Variants in ARHGAP39 observed in about 807,000 individuals in gnomAD.
ARHGAP39 encodes the protein rho GTPase-activating protein 39.
In ARHGAP39, 44 loss-of-function variants were observed where a neutral mutation model predicts 106.9. The ratio of observed to expected loss-of-function variants is 0.41; its 90% confidence interval spans 0.32 to 0.53. The LOEUF is 0.53. Among genes scored for constraint, ARHGAP39 ranks in the 20% least tolerant of loss-of-function variants. ARHGAP39 has a pLI of 0.21. For missense variants in ARHGAP39, 1,496 were observed against 1,577.3 expected, an observed-to-expected ratio of 0.95 and a Z score of 0.87; for synonymous variants, 768 against 693.2, an observed-to-expected ratio of 1.11 and a Z score of -1.69.
intron 2 of ARHGAP39, among the ~76,000 whole-genome samples, chr8:144,602,183 G>T (rs865926678): frequency 1.5e-5 from 2 of 133,060 alleles, no homozygotes; most frequent in Non-Finnish European, 3.1e-5. Context: ...GTGTGCTCGT[G>T]TACCTGTGTG....
At position 144,586,785 on chromosome 8, in the gene ARHGAP39, C is replaced by T. The variant is rs2130908615; in HGVS notation, c.81-5508G>A. Among the ~76,000 whole-genome samples the T allele has an allele frequency of 6.6e-6, 1 of 152,354 alleles. No homozygotes were observed. Among genetic ancestry groups the T allele is most frequent in the East Asian group, 1.9e-4 (1 of 5,190 alleles). ...ATGGTTCCCACTGGCACTGGCTGGC[C>T]TGGGCTGCTGTCGGTCTGCTCTGCA... is the stretch of plus-strand genomic sequence containing the variant. On this transcript the variant is annotated intron_variant, in intron 2 of 11. Coordinates refer to ENST00000377307, the MANE Select transcript of ARHGAP39 (RefSeq NM_025251.3). This position sits in a 1 kb window ranked among gnomAD's most constrained non-coding sequence, Gnocchi z 4.2.
intron 2 of ARHGAP39, among the ~76,000 whole-genome samples, chr8:144,589,733 A>G (rs1457599391): frequency 6.6e-6 from 1 of 152,228 alleles, no homozygotes; most frequent in African/African-American, 2.4e-5. Context: ...CCTGTGGCAG[A>G]GACACCCAAG....
intron 2 of ARHGAP39, among the ~76,000 whole-genome samples, chr8:144,588,911 G>A (rs1819284797): frequency 6.6e-6 from 1 of 152,264 alleles, no homozygotes. Flanking sequence ...GCAACGCCGG[G>A]CCCGCCCTCC....
intron 1 of ARHGAP39, among the ~76,000 whole-genome samples, chr8:144,672,973 T>C (rs551581899): frequency 6.6e-6 from 1 of 152,136 alleles, no homozygotes; most frequent in East Asian, 1.9e-4. Context: ...TCCCAGCACT[T>C]TGGGAGGCAG....
At chr8:144,577,947 A>T (rs1818835268) in intron 3 of ARHGAP39, among the ~76,000 whole-genome samples, 1 of 152,220 alleles carries the variant, frequency 6.6e-6, no homozygotes, top group Admixed American at 6.5e-5. Flanking sequence ...CAGCTTACAG[A>T]TCCAACACAA....
intron 1 of ARHGAP39, among the ~76,000 whole-genome samples, chr8:144,672,027 G>A (rs1242700601): frequency 2.0e-5 from 3 of 152,244 alleles, no homozygotes; most frequent in Non-Finnish European, 2.9e-5. Flanking sequence ...CCTGGACGCC[G>A]TCTGTGATTC....
intron 3 of ARHGAP39, among the ~76,000 whole-genome samples, chr8:144,579,768 G>A (rs1041485279): frequency 1.3e-5 from 2 of 152,098 alleles, no homozygotes; most frequent in Non-Finnish European, 2.9e-5. Flanking sequence ...TCCCACCTCT[G>A]CAGAAAGCCC....
At chr8:144,538,982 C>A (rs990672598) in intron 6 of ARHGAP39, among the ~76,000 whole-genome samples, 1 of 151,818 alleles carries the variant, frequency 6.6e-6, no homozygotes, top group Admixed American at 6.6e-5. Flanking sequence ...CCCCTGTGTC[C>A]CTGTGACAGG....
At chr8:144,606,086 C>T (rs1048459325) in intron 1 of ARHGAP39, among the ~76,000 whole-genome samples, 1 of 152,224 alleles carries the variant, frequency 6.6e-6, no homozygotes, top group African/African-American at 2.4e-5. Context: ...CACTCTCAGC[C>T]CCACATCTGA....
In ARHGAP39 at chr8:144,602,668, G is replaced by A. The variant is rs530975723; in HGVS notation, c.80+2867C>T. 4.2e-5 allele frequency among the ~76,000 whole-genome samples: 6 copies of A among 143,182 alleles called. 1 individual carries two copies. The East Asian group carries it at 6.8e-4, about 16-fold the overall frequency. The allele number at this position is 143,182 out of a possible 152,430, so 93.9% of individuals were successfully genotyped here. ...CTCGTGTACCTGTGTGCATGGAGGC[G>A]TGCGTGCGAGCTCGTGTACCTGTGT... On this transcript the variant is annotated intron_variant, in intron 2 of 11. Coordinates refer to ENST00000377307, the MANE Select transcript of ARHGAP39 (RefSeq NM_025251.3).
chr8:144,600,100 C>G (rs1819791415), intron 2 of ARHGAP39, among the ~76,000 whole-genome samples: 1 of 152,018 alleles, frequency 6.6e-6, no homozygotes, highest in Admixed American at 6.6e-5. Flanking sequence ...TGTGTGCGCA[C>G]TTGTGTACCT....
At chr8:144,616,882 A>G (rs944942542) in intron 1 of ARHGAP39, among the ~76,000 whole-genome samples, 1 of 152,248 alleles carries the variant, frequency 6.6e-6, no homozygotes, top group African/African-American at 2.4e-5. Flanking sequence ...TGCCCAGTGA[A>G]TCAATGTTGC....
intron 3 of ARHGAP39, among the ~76,000 whole-genome samples, chr8:144,576,088 T>C: frequency 6.6e-6 from 1 of 151,830 alleles, no homozygotes; most frequent in African/African-American, 2.4e-5. Flanking sequence ...ATCCAGCACT[T>C]TGGGAGGGTG....
chr8:144,650,830 T>C (rs1272082765), intron 1 of ARHGAP39, among the ~76,000 whole-genome samples: 2 of 152,174 alleles, frequency 1.3e-5, no homozygotes, highest in Non-Finnish European at 2.9e-5. Context: ...GCATTCCCCT[T>C]GAAAACCAGC....
At chr8:144,652,738 C>T (rs990512311) in intron 1 of ARHGAP39, among the ~76,000 whole-genome samples, 48 of 151,374 alleles carry the variant, frequency 3.2e-4, no homozygotes, top group Admixed American at 2.4e-3. Flanking sequence ...AGGAAACCAG[C>T]GGACACTAGG....
intron 6 of ARHGAP39, chr8:144,544,027 T>G (rs531823133): frequency 6.6e-6 from 1 of 152,276 alleles, no homozygotes; most frequent in East Asian, 1.9e-4. Context: ...CCCCTAGAAT[T>G]CCACCTGCTT....
the ARHGAP39 span, among the ~76,000 whole-genome samples, chr8:144,694,846 C>T: frequency 6.6e-6 from 1 of 152,088 alleles, no homozygotes; most frequent in Non-Finnish European, 1.5e-5. Context: ...AGGGACACTG[C>T]AAGTCTCATG....
chr8:144,607,781 G>A (rs1056717631), intron 1 of ARHGAP39, among the ~76,000 whole-genome samples: 11 of 152,158 alleles, frequency 7.2e-5, no homozygotes, highest in African/African-American at 2.7e-4. Context: ...CACCTCCTTA[G>A]AGGAAACGCG....
intron 7 of ARHGAP39, 40 bp from the exon 8 acceptor site, chr8:144,534,242 G>A (rs781134049): frequency 5.0e-6 from 8 of 1,609,468 alleles, no homozygotes; most frequent in Non-Finnish European, 6.0e-6. Context: ...ATGTGGGTGT[G>A]TGGGTGTGGG....
Sources: allele counts gnomAD v4.1 joint callset (sites outside exome capture counted in the v4.1 genomes callset), GRCh38; gene constraint gnomAD v4.1.1; non-coding constraint Gnocchi (gnomAD v3.1); transcripts MANE v1.5; gene names NCBI Gene and HGNC (gene_info 2026-07-23, HGNC 2026-07-21).